Variants in SPAG17 observed in about 807,000 individuals in gnomAD.
SPAG17 encodes sperm-associated antigen 17.
SPAG17 carries 169 observed loss-of-function variants against 273.6 expected under a neutral mutation model. The observed-to-expected ratio is 0.62, with a 90% CI of 0.55 to 0.70. SPAG17 has a LOEUF of 0.70. SPAG17 is among the 30% of genes least tolerant of loss of function. The probability of loss-of-function intolerance (pLI) is 0.00; values close to 1 mark genes in which losing one functional copy is unlikely to be tolerated. For missense variants in SPAG17, 2,557 were observed against 2,627.8 expected, an observed-to-expected ratio of 0.97 and a Z score of 0.59; for synonymous variants, 825 against 873.2, an observed-to-expected ratio of 0.94 and a Z score of 0.97.
intron 29 of SPAG17, among the ~76,000 whole-genome samples, chr1:118,012,903 T>C (rs772474275): frequency 2.0e-5 from 3 of 152,182 alleles, no homozygotes; most frequent in Non-Finnish European, 4.4e-5. Context: ...GACCTGTGCA[T>C]GTATCTGCTG....
chr1:117,957,224 G>A (rs371646343), intron 48 of SPAG17: 21 of 1,602,088 alleles, frequency 1.3e-5, no homozygotes, highest in African/African-American at 2.7e-5. Flanking sequence ...AGAATACCAT[G>A]TCTGTTCAGC....
At position 117,957,087 on chromosome 1, in the gene SPAG17, C is replaced by T. The variant is rs771809619; in HGVS notation, c.*1-3038G>A. On this transcript the variant is annotated intron_variant, in intron 48 of 48. Coordinates refer to ENST00000336338, the MANE Select transcript of SPAG17 (RefSeq NM_206996.4). The stretch of plus-strand genomic sequence containing the variant: ...TTTCAGTGAGCTGGAAGAATCTCTA[C>T]TTGTGCTGCCTTTCTCTTATGTCCC... 8 of 1,597,596 alleles carry T rather than the reference C, an allele frequency of 5.0e-6. No homozygotes were observed. In the South Asian group the frequency reaches 9.1e-5, roughly 18 times the overall value.
Position 118,051,886 on chromosome 1 carries a change from TTATAA to T in SPAG17, c.2814+2111_2814+2115del, listed in dbSNP as rs1360094241. ...ATGTACTATTATAATATATAAACTA[TTATAA>T]TATAATATATAAACTATTATAATAC... is the stretch of plus-strand genomic sequence containing the variant. On this transcript the variant is annotated intron_variant, in intron 20 of 48. Transcript: ENST00000336338. Among the ~76,000 whole-genome samples the T allele has an allele frequency of 2.7e-4, 36 of 135,722 alleles. 4 individuals are homozygous for T. The highest frequency in any genetic ancestry group is 4.1e-4 in the Non-Finnish European group (27 of 65,374). 89.0% of individuals were successfully genotyped at this position (135,722 alleles called of 152,430 possible).
At chr1:117,991,652 A>G (rs1657091615) in intron 36 of SPAG17, 124 bp from the exon 37 acceptor site, 1 of 546,414 alleles carries the variant, frequency 1.8e-6, no homozygotes, top group South Asian at 2.7e-5. Flanking sequence ...GTGCTCAACA[A>G]CTGTTTACTA....
At chr1:117,979,686 A>G (rs1285535192) in intron 43 of SPAG17, among the ~76,000 whole-genome samples, 2 of 151,784 alleles carry the variant, frequency 1.3e-5, no homozygotes, top group Non-Finnish European at 2.9e-5. Flanking sequence ...TCTCTGCCCC[A>G]CTCTCTGACC....
At chr1:118,093,447 C>A in intron 7 of SPAG17, 130 bp from the exon 8 acceptor site, 2 of 826,550 alleles carry the variant, frequency 2.4e-6, no homozygotes, top group South Asian at 2.1e-5. Flanking sequence ...AATCTCCAAA[C>A]CACTGAATCC....
intron 32 of SPAG17, 36 bp downstream of exon 32, chr1:118,005,378 C>A: frequency 6.6e-7 from 1 of 1,521,562 alleles, no homozygotes; most frequent in Non-Finnish European, 8.8e-7. Context: ...AAAGCAAAGC[C>A]ACAGGCTCTC....
chr1:117,992,422 T>C, intron 36 of SPAG17, 44 bp downstream of exon 36: 1 of 1,512,344 alleles, frequency 6.6e-7, no homozygotes, highest in Non-Finnish European at 8.9e-7. Flanking sequence ...CAATGATTGC[T>C]CTGTTTCTGA....
intron 3 of SPAG17, among the ~76,000 whole-genome samples, chr1:118,129,488 AC>A (rs1443312007): frequency 6.6e-6 from 1 of 152,186 alleles, no homozygotes; most frequent in Non-Finnish European, 1.5e-5. Context: ...ATTCTGATAT[AC>A]GCTAGATTTG....
intron 32 of SPAG17, among the ~76,000 whole-genome samples, chr1:118,002,582 CTTCT>C (rs1474321533): frequency 1.3e-5 from 2 of 152,028 alleles, no homozygotes; most frequent in East Asian, 3.8e-4. Flanking sequence ...ATGTAATGGC[CTTCT>C]TTGTCTCTTT....
chr1:118,124,551 G>T (rs1032263366), intron 3 of SPAG17, among the ~76,000 whole-genome samples: 1 of 152,142 alleles, frequency 6.6e-6, no homozygotes, highest in Non-Finnish European at 1.5e-5. Context: ...AAATGTTTTT[G>T]ATTGTTTATA....
chr1:118,074,566 T>A lies in SPAG17; in HGVS notation c.2244A>T (p.Ala748=), dbSNP rs1414993167. 10 of 1,613,690 alleles carry A rather than the reference T, an allele frequency of 6.2e-6. No individual in the cohort carries two copies. Among genetic ancestry groups the A allele is most frequent in the Non-Finnish European group, 7.6e-6 (9 of 1,179,812 alleles). The change falls in exon 16 of 49, where the codon GCA becomes GCT. Residue 748 remains alanine (A), a synonymous_variant. Transcript: ENST00000336338. ...QTTNNEIKDD[A]VTKADSHEKK... ...TTTCATGAGAATCAGCCTTTGTGAC[T>A]GCATCATCTTTGATCTCATTGTTTG...
chr1:118,000,833 C>T (rs1658195488), intron 32 of SPAG17, among the ~76,000 whole-genome samples: 1 of 152,110 alleles, frequency 6.6e-6, no homozygotes, highest in Non-Finnish European at 1.5e-5. Flanking sequence ...TGCCTGATTG[C>T]CCTGGCCAGA....
At chr1:118,064,555 G>C (rs1221692651) in intron 18 of SPAG17, among the ~76,000 whole-genome samples, 2 of 134,984 alleles carry the variant, frequency 1.5e-5, no homozygotes, top group South Asian at 2.5e-4. Flanking sequence ...ATGGACACAG[G>C]AAGGGGAACA....
chr1:118,081,683 T>C (rs1379722428), intron 13 of SPAG17, 41 bp from the exon 14 acceptor site: 12 of 1,534,306 alleles, frequency 7.8e-6, no homozygotes, highest in African/African-American at 2.7e-5. Flanking sequence ...AATGTTCTTA[T>C]TAGCACATGG....
At chr1:117,991,200 T>C (rs1458932631) in intron 37 of SPAG17, among the ~76,000 whole-genome samples, 1 of 152,242 alleles carries the variant, frequency 6.6e-6, no homozygotes, top group East Asian at 1.9e-4. Flanking sequence ...AAAAGTTTCA[T>C]TTAAGGGCCT....
At chr1:118,079,914 T>C (rs555246021) in intron 15 of SPAG17, among the ~76,000 whole-genome samples, 1 of 152,318 alleles carries the variant, frequency 6.6e-6, no homozygotes, top group East Asian at 1.9e-4. Context: ...TGTTTAATGT[T>C]TGACCTAGGT....
intron 24 of SPAG17, among the ~76,000 whole-genome samples, chr1:118,032,845 C>T (rs895081487): frequency 1.3e-4 from 20 of 152,094 alleles, no homozygotes; most frequent in Admixed American, 3.9e-4. Context: ...CCGCCCACCT[C>T]GGCCTCCAAA....
intron 36 of SPAG17, 143 bp from the exon 37 acceptor site, chr1:117,991,671 A>G (rs1657094377): frequency 1.9e-6 from 1 of 520,934 alleles, no homozygotes; most frequent in Non-Finnish European, 3.3e-6. Flanking sequence ...TAGTCAAACA[A>G]CCTGAAAAGA....
Sources: allele counts gnomAD v4.1 joint callset (sites outside exome capture counted in the v4.1 genomes callset), GRCh38; gene constraint gnomAD v4.1.1; transcripts MANE v1.5; gene names NCBI Gene and HGNC (gene_info 2026-07-23, HGNC 2026-07-21).